Variants in TMEM132C observed in about 807,000 individuals in gnomAD.
The protein encoded by TMEM132C is protein phosphatase 1, regulatory subunit 152.
In TMEM132C, 29 loss-of-function variants were observed where a neutral mutation model predicts 61.4. The observed-to-expected ratio is 0.47, with a 90% CI of 0.35 to 0.64. TMEM132C has a LOEUF of 0.64. Among genes scored for constraint, TMEM132C ranks in the 30% least tolerant of loss-of-function variants. The probability of loss-of-function intolerance (pLI) is 0.00; values close to 1 mark genes in which losing one functional copy is unlikely to be tolerated. For missense variants in TMEM132C, 1,408 were observed against 1,476.9 expected (o/e 0.95, Z 0.76); for synonymous variants, 656 against 633.1 (o/e 1.04, Z -0.54).
intron 3 of TMEM132C, among the ~76,000 whole-genome samples, chr12:128,595,549 A>G (rs910985886): frequency 1.3e-5 from 2 of 152,214 alleles, no homozygotes; most frequent in East Asian, 3.8e-4. Flanking sequence ...AATCTGGCTA[A>G]CCTAAGCCAA....
At chr12:128,632,508 T>C (rs1205628485) in intron 4 of TMEM132C, among the ~76,000 whole-genome samples, 2 of 152,204 alleles carry the variant, frequency 1.3e-5, no homozygotes, top group African/African-American at 4.8e-5. Flanking sequence ...AATTTATTAG[T>C]ATTATGCTAG....
intron 4 of TMEM132C, among the ~76,000 whole-genome samples, chr12:128,667,092 T>TAGATAG (rs955598150): frequency 1.1e-4 from 17 of 152,172 alleles, no homozygotes; most frequent in South Asian, 4.2e-4. Flanking sequence ...GATACAGATA[T>TAGATAG]AGATAGAGAT....
At chr12:128,478,142 A>G (rs1311652353) in intron 2 of TMEM132C, among the ~76,000 whole-genome samples, 1 of 152,210 alleles carries the variant, frequency 6.6e-6, no homozygotes, top group African/African-American at 2.4e-5. Flanking sequence ...TCTCTATTGG[A>G]AAAAAGTAGG....
rs751856070 is a variant in TMEM132C at position 128,448,118 on chromosome 12, TG to T, written c.974+32499del. On this transcript the variant is annotated intron_variant, in intron 2 of 8. Coordinates refer to ENST00000435159, the MANE Select transcript of TMEM132C (RefSeq NM_001136103.3). ...GTGGTAAAAGTAAGACAATTTTTTT[TG>T]TTGTTGTTGTCACTGGTGAAAATTG... Among the ~76,000 whole-genome samples, 388 of 152,048 alleles carry T rather than the reference TG, an allele frequency of 2.6e-3. 3 individuals carry two copies. Among genetic ancestry groups the T allele is most frequent in the Middle Eastern group, 0.01 (3 of 294 alleles).
intron 2 of TMEM132C, among the ~76,000 whole-genome samples, chr12:128,527,703 A>ATGTGTGTG (rs1186342541): frequency 3.1e-5 from 2 of 64,184 alleles, no homozygotes; most frequent in African/African-American, 1.3e-4. Flanking sequence ...GTGAATGTGC[A>ATGTGTGTG]TGTATGTGTG....
intron 4 of TMEM132C, among the ~76,000 whole-genome samples, chr12:128,660,426 A>G (rs1260667695): frequency 6.6e-6 from 1 of 152,206 alleles, no homozygotes; most frequent in Non-Finnish European, 1.5e-5. Context: ...GAGTTCCTGC[A>G]GGGTCTCCTT....
At chr12:128,581,713 G>A (rs911585388) in intron 3 of TMEM132C, among the ~76,000 whole-genome samples, 1 of 152,176 alleles carries the variant, frequency 6.6e-6, no homozygotes, top group Non-Finnish European at 1.5e-5. Context: ...TTAGCTCGAG[G>A]GGGCTCTGGT....
chr12:128,396,050 A>G (rs968636398), intron 1 of TMEM132C, among the ~76,000 whole-genome samples: 2 of 152,216 alleles, frequency 1.3e-5, no homozygotes, highest in Admixed American at 6.5e-5. Flanking sequence ...TGGTACAGAA[A>G]GATACATGGA....
chr12:128,384,675 C>T (rs994274314), intron 1 of TMEM132C, among the ~76,000 whole-genome samples: 4 of 152,244 alleles, frequency 2.6e-5, no homozygotes, highest in Non-Finnish European at 5.9e-5. Flanking sequence ...ACATGTATTT[C>T]TAGAAACTTT....
intron 1 of TMEM132C, chr12:128,288,641 A>G (rs1228320851): frequency 6.6e-6 from 1 of 152,098 alleles, no homozygotes; most frequent in Admixed American, 6.6e-5. Context: ...GGGAATTTCA[A>G]CAGGACTTTC....
intron 2 of TMEM132C, among the ~76,000 whole-genome samples, chr12:128,532,902 A>T (rs1396025356): frequency 6.6e-6 from 1 of 152,140 alleles, no homozygotes; most frequent in African/African-American, 2.4e-5. Flanking sequence ...GTTTGTTGAT[A>T]TACACACCCT....
chr12:128,351,510 G>A (rs1243066247), intron 1 of TMEM132C, among the ~76,000 whole-genome samples: 1 of 152,166 alleles, frequency 6.6e-6, no homozygotes, highest in Non-Finnish European at 1.5e-5. Flanking sequence ...CTGAGGCTGG[G>A]TAATTTATAA....
At chr12:128,269,473 G>A (rs1036998114) in intron 1 of TMEM132C, among the ~76,000 whole-genome samples, 4 of 152,022 alleles carry the variant, frequency 2.6e-5, no homozygotes, top group African/African-American at 9.7e-5. Flanking sequence ...AGGCAACTGG[G>A]ACTGGATTTG....
intron 1 of TMEM132C, among the ~76,000 whole-genome samples, chr12:128,282,527 G>C (rs1483244256): frequency 6.6e-6 from 1 of 152,178 alleles, no homozygotes; most frequent in Non-Finnish European, 1.5e-5. Context: ...GAAAAGCATG[G>C]AGAAAGCCAC....
At chr12:128,628,562 A>G (rs756050606) in intron 4 of TMEM132C, among the ~76,000 whole-genome samples, 9 of 152,200 alleles carry the variant, frequency 5.9e-5, no homozygotes, top group Non-Finnish European at 1.2e-4. Context: ...ATGCATGTCT[A>G]TTTGTACATT....
intron 2 of TMEM132C, among the ~76,000 whole-genome samples, chr12:128,427,390 GT>G (rs1593049552): frequency 4.1e-5 from 2 of 49,190 alleles, no homozygotes; most frequent in African/African-American, 1.3e-4. Flanking sequence ...CCAAAGGGGT[GT>G]GTGTGTGTGT....
intron 1 of TMEM132C, among the ~76,000 whole-genome samples, chr12:128,402,733 T>C (rs1276378224): frequency 6.6e-6 from 1 of 152,188 alleles, no homozygotes; most frequent in Non-Finnish European, 1.5e-5. Context: ...TGGCTGAGCT[T>C]AACTTGCGGA....
At chr12:128,371,200 A>G (rs913499588) in intron 1 of TMEM132C, among the ~76,000 whole-genome samples, 1 of 152,176 alleles carries the variant, frequency 6.6e-6, no homozygotes, top group Non-Finnish European at 1.5e-5. Flanking sequence ...TGGTGTGTGG[A>G]TAGTGTTGCC....
At chr12:128,537,884 A>T (rs932478230) in intron 2 of TMEM132C, among the ~76,000 whole-genome samples, 2 of 152,220 alleles carry the variant, frequency 1.3e-5, no homozygotes, top group Non-Finnish European at 2.9e-5. Context: ...GGTCAATATT[A>T]TCATTGGGGG....
Sources: allele counts gnomAD v4.1 joint callset (sites outside exome capture counted in the v4.1 genomes callset), GRCh38; gene constraint gnomAD v4.1.1; transcripts MANE v1.5; gene names NCBI Gene and HGNC (gene_info 2026-07-23, HGNC 2026-07-21).